SCMH1: variants seen among roughly 807,000 people sequenced by gnomAD.
SCMH1 encodes the protein Scm polycomb group protein homolog 1, also known as polycomb protein SCMH1.
SCMH1 carries 37 observed loss-of-function variants against 70.8 expected under a neutral mutation model. The ratio of observed to expected loss-of-function variants is 0.52; its 90% CI spans 0.40 to 0.69. The LOEUF (loss-of-function observed/expected upper bound fraction) is 0.69. Among genes scored for constraint, SCMH1 ranks in the 30% least tolerant of loss-of-function variants. The pLI, the probability that SCMH1 is intolerant of heterozygous loss-of-function variation, is 0.00. For synonymous variants in SCMH1, 292 were observed against 307.4 expected, an observed-to-expected ratio of 0.95 and a Z score of 0.52; for missense variants, 607 against 827.3, an observed-to-expected ratio of 0.73 and a Z score of 3.27.
In SCMH1 at chr1:41,134,482, G is replaced by C. The variant is rs1471397126; in HGVS notation, c.412+8396C>G. On this transcript the variant is annotated intron_variant, in intron 6 of 14. Coordinates refer to ENST00000337495, the Ensembl canonical transcript of SCMH1. ...TAAAGGGTATTCAATTAAGAAAAGA[G>C]GAAGTCAAATTGTCTCTGTTCACAG... is the stretch of plus-strand genomic sequence containing the variant. 9.2e-5 allele frequency among the ~76,000 whole-genome samples: 14 copies of C among 152,170 alleles called. No individual in the cohort carries two copies. The East Asian group carries it at 2.7e-3, about 29-fold the overall frequency.
chr1:41,096,877 T>C (rs949331176), intron 8 of SCMH1, among the ~76,000 whole-genome samples: 16 of 152,212 alleles, frequency 1.1e-4, no homozygotes, highest in African/African-American at 3.4e-4. Flanking sequence ...ACTGGGCTAT[T>C]AGATGGGACC....
intron 6 of SCMH1, among the ~76,000 whole-genome samples, chr1:41,135,212 A>T (rs1450798911): frequency 6.6e-6 from 1 of 152,144 alleles, no homozygotes; most frequent in Non-Finnish European, 1.5e-5. Flanking sequence ...AACAATTCAG[A>T]TGCTTTCCTA....
chr1:41,229,401 T>G (rs926267270), intron 1 of SCMH1, among the ~76,000 whole-genome samples: 5 of 152,192 alleles, frequency 3.3e-5, no homozygotes, highest in African/African-American at 1.2e-4. Flanking sequence ...CATGGAATAC[T>G]ATGTAGCCAT....
At chr1:41,066,960 G>A (rs1571726395) in intron 10 of SCMH1, among the ~76,000 whole-genome samples, 1 of 152,270 alleles carries the variant, frequency 6.6e-6, no homozygotes, top group Middle Eastern at 3.4e-3. Context: ...TAATCTAGCA[G>A]TTGTCTTCCT....
chr1:41,183,563 C>A (rs1191686796), intron 2 of SCMH1, among the ~76,000 whole-genome samples: 1 of 148,048 alleles, frequency 6.8e-6, no homozygotes, highest in African/African-American at 2.4e-5. Flanking sequence ...AGTAGTGCCA[C>A]CTCCTACATT....
intron 1 of SCMH1, among the ~76,000 whole-genome samples, chr1:41,236,437 A>C (rs924912092): frequency 6.6e-6 from 1 of 152,196 alleles, no homozygotes; most frequent in African/African-American, 2.4e-5. Context: ...TTAACAATGT[A>C]GGAAACAGGA....
chr1:41,190,740 G>GCT (rs2148663770), intron 1 of SCMH1, among the ~76,000 whole-genome samples: 1 of 152,282 alleles, frequency 6.6e-6, no homozygotes, highest in East Asian at 1.9e-4. Flanking sequence ...CCTTACAGAA[G>GCT]TGTGATATGG....
intron 8 of SCMH1, among the ~76,000 whole-genome samples, chr1:41,093,913 G>A (rs1664359845): frequency 6.6e-6 from 1 of 152,136 alleles, no homozygotes; most frequent in African/African-American, 2.4e-5. Context: ...TAAAGTGACA[G>A]GCTCACTTAG....
chr1:41,181,429 A>T (rs1261202513), intron 2 of SCMH1, among the ~76,000 whole-genome samples: 2 of 152,232 alleles, frequency 1.3e-5, no homozygotes, highest in African/African-American at 4.8e-5. Context: ...GAATGGGAGA[A>T]AATTTTTGCA....
rs185032108 is a variant in SCMH1 at position 41,109,504 on chromosome 1, T to C, written c.745+3779A>G. Among the ~76,000 whole-genome samples, 1,084 of 152,292 alleles carry C rather than the reference T, an allele frequency of 7.1e-3. 5 individuals carry two copies. Among genetic ancestry groups the C allele is most frequent in the Non-Finnish European group, 0.012 (830 of 68,022 alleles). On this transcript the variant is annotated intron_variant, in intron 8 of 14. Coordinates refer to ENST00000337495, the Ensembl canonical transcript of SCMH1. ...CATCACTTGCTCCTTAGCCAGGACA[T>C]GGAGACTGCTGGCCAAACTTCTGCT...
intron 2 of SCMH1, among the ~76,000 whole-genome samples, chr1:41,169,316 T>C (rs913126623): frequency 7.9e-5 from 12 of 152,308 alleles, no homozygotes; most frequent in Middle Eastern, 3.4e-3. Context: ...CGAATGTAAG[T>C]TCATTAGAAG....
chr1:41,037,329 A>C, intron 13 of SCMH1, 33 bp downstream of exon 13: 1 of 1,600,000 alleles, frequency 6.3e-7, no homozygotes. Flanking sequence ...AGAGTGAGGG[A>C]GGGAAGGAGG....
intron 8 of SCMH1, among the ~76,000 whole-genome samples, chr1:41,101,053 AGAT>A (rs1400765318): frequency 6.6e-6 from 1 of 152,088 alleles, no homozygotes; most frequent in Non-Finnish European, 1.5e-5. Flanking sequence ...AGAGAGCTCA[AGAT>A]GATGAGGGGC....
chr1:41,031,321 C>T (rs1644486693), intron 13 of SCMH1, among the ~76,000 whole-genome samples: 1 of 151,934 alleles, frequency 6.6e-6, no homozygotes, highest in African/African-American at 2.4e-5. Flanking sequence ...AACCACCCCC[C>T]TCCCCCACCG....
chr1:41,028,334 GGT>G lies in SCMH1; in HGVS notation c.1822-17_1822-16del. The G allele has an allele frequency of 6.2e-7, 1 of 1,613,396 alleles. No individual in the cohort carries two copies. The highest frequency in any genetic ancestry group is 8.5e-7 in the Non-Finnish European group (1 of 1,179,578). On this transcript the variant is annotated splice_polypyrimidine_tract_variant and intron_variant, in intron 14 of 14. Transcript: ENST00000337495. ...CCATCGATCTCCTGGGGGGTGGGGA[GGT>G]GGGCAGAAGTGGAAGGGAGGCACCA...
chr1:41,069,566 G>A (rs759526711), intron 10 of SCMH1, among the ~76,000 whole-genome samples: 3 of 152,196 alleles, frequency 2.0e-5, no homozygotes, highest in Admixed American at 6.5e-5. Context: ...AAAATGAAAA[G>A]TAGGTAAAAG....
At chr1:41,089,791 T>TTTTTTTTTTTTTTTTTTTTTTC (rs1662842355) in intron 8 of SCMH1, among the ~76,000 whole-genome samples, 1 of 101,392 alleles carries the variant, frequency 9.9e-6, no homozygotes, top group South Asian at 3.8e-4. Flanking sequence ...TTGTCTCTTT[T>TTTTTTTTTTTTTTTTTTTTTTC]TTTTTTTTTT....
chr1:41,041,787 G>A lies in SCMH1; in HGVS notation c.1499-4246C>T, dbSNP rs530397246. On this transcript the variant is annotated intron_variant, in intron 12 of 14. Coordinates refer to ENST00000337495, the Ensembl canonical transcript of SCMH1. ...GACCAGGATGACAACTGGAAAGAAA[G>A]GCACAAGGAACCAGTGTCATGGGCA... is the stretch of plus-strand genomic sequence containing the variant. Among the ~76,000 whole-genome samples, 5 of 152,276 alleles carry A rather than the reference G, an allele frequency of 3.3e-5. No homozygotes were observed. The East Asian group carries it at 7.7e-4, about 23-fold the overall frequency.
At position 41,028,729 on chromosome 1, in the gene SCMH1, G is replaced by GCAGGA. The variant is rs1228716720; in HGVS notation, c.1679-8_1679-4dup. 1 of 1,613,918 alleles carries GCAGGA rather than the reference G, an allele frequency of 6.2e-7. No homozygotes were observed. The highest frequency in any genetic ancestry group is 2.2e-5 in the East Asian group (1 of 44,876). ...GCTCTCCAGGTATCGGTCCGACCCTGCAGGACAGGAGGGCACCTACCATAA... is the reference window on the plus strand; with the variant it reads ...GCTCTCCAGGTATCGGTCCGACCCTGCAGGACAGGACAGGAGGGCACCTACCATAA... On this transcript the variant is annotated splice_polypyrimidine_tract_variant and splice_region_variant and intron_variant, in intron 13 of 14. Transcript: ENST00000337495.
Sources: allele counts gnomAD v4.1 joint callset (sites outside exome capture counted in the v4.1 genomes callset), GRCh38; gene constraint gnomAD v4.1.1; transcripts MANE v1.5; gene names NCBI Gene and HGNC (gene_info 2026-07-23, HGNC 2026-07-21).